CNTN1: variants seen among roughly 807,000 people sequenced by gnomAD.
CNTN1 encodes contactin-1.
A neutral mutation model predicts 126.4 loss-of-function variants in CNTN1; 38 were observed. The ratio of observed to expected loss-of-function variants is 0.30; its 90% CI spans 0.23 to 0.39. The LOEUF (loss-of-function observed/expected upper bound fraction) is 0.39. Among genes scored for constraint, CNTN1 ranks in the 10% least tolerant of loss-of-function variants. The pLI is 1.00. For missense variants in CNTN1, 1,009 were observed against 1,248.4 expected, an observed-to-expected ratio of 0.81 and a Z score of 2.89; for synonymous variants, 413 against 422.6, an observed-to-expected ratio of 0.98 and a Z score of 0.28.
intron 1 of CNTN1, among the ~76,000 whole-genome samples, chr12:40,719,997 C>A (rs1046658254): frequency 6.7e-6 from 1 of 149,504 alleles, no homozygotes; most frequent in African/African-American, 2.5e-5. Flanking sequence ...GCACCACGCC[C>A]GGTTAATTTT....
chr12:40,746,087 T>C (rs1433869926), intron 1 of CNTN1, among the ~76,000 whole-genome samples: 1 of 152,194 alleles, frequency 6.6e-6, no homozygotes, highest in Non-Finnish European at 1.5e-5. Context: ...CCAACAATTA[T>C]TGATGCAACA....
chr12:40,825,337 T>C (rs559104845), intron 1 of CNTN1, among the ~76,000 whole-genome samples: 1 of 152,212 alleles, frequency 6.6e-6, no homozygotes, highest in African/African-American at 2.4e-5. Flanking sequence ...TGGAGACAAA[T>C]TATGCATTTT....
At chr12:40,853,729 T>G (rs534061629) in intron 1 of CNTN1, among the ~76,000 whole-genome samples, 4 of 151,940 alleles carry the variant, frequency 2.6e-5, no homozygotes, top group Non-Finnish European at 5.9e-5. Context: ...GTAATTACAA[T>G]GAAGGCTATA....
intron 1 of CNTN1, among the ~76,000 whole-genome samples, chr12:40,903,563 G>A (rs74941104): frequency 1.1e-3 from 174 of 152,206 alleles, no homozygotes; most frequent in Middle Eastern, 3.4e-3. Flanking sequence ...CTACTGTGCT[G>A]CTGAAGGATG....
intron 1 of CNTN1, among the ~76,000 whole-genome samples, chr12:40,727,085 CTAA>C (rs1259556208): frequency 2.0e-5 from 3 of 147,702 alleles, no homozygotes; most frequent in Admixed American, 2.0e-4. Context: ...TTAAAAATTT[CTAA>C]TAATAAAAAA....
intron 1 of CNTN1, among the ~76,000 whole-genome samples, chr12:40,801,018 T>G (rs1928548): frequency 0.32 from 47,481 of 149,900 alleles, 8,727 homozygotes; most frequent in South Asian, 0.43. Flanking sequence ...GAGTTTTGTT[T>G]TTTTTTTTTT....
chr12:40,848,578 A>C (rs1399281594), intron 1 of CNTN1, among the ~76,000 whole-genome samples: 1 of 152,228 alleles, frequency 6.6e-6, no homozygotes, highest in African/African-American at 2.4e-5. Flanking sequence ...ATAAACAGTA[A>C]TATGACCACA....
intron 12 of CNTN1, among the ~76,000 whole-genome samples, chr12:40,940,130 A>G (rs751439698): frequency 1.1e-4 from 17 of 152,038 alleles, no homozygotes; most frequent in Non-Finnish European, 2.5e-4. Flanking sequence ...TGACGAGGAG[A>G]AAGCCAGGAT....
Position 40,861,055 on chromosome 12 carries a change from G to A in CNTN1, c.-76-47302G>A, listed in dbSNP as rs531299122. 2.0e-5 allele frequency among the ~76,000 whole-genome samples: 3 copies of A among 152,182 alleles called. No homozygotes were observed. The East Asian group carries it at 5.8e-4, about 29-fold the overall frequency. ...TATCTATGTTACCACTCAGGGTAAT[G>A]TAACTACCAATTCAGAAATTATCAC... On this transcript the variant is annotated intron_variant, in intron 1 of 23. Coordinates refer to ENST00000551295, the MANE Select transcript of CNTN1 (RefSeq NM_001843.4).
chr12:40,904,578 G>A (rs982099448), intron 1 of CNTN1, among the ~76,000 whole-genome samples: 1 of 151,968 alleles, frequency 6.6e-6, no homozygotes, highest in African/African-American at 2.4e-5. Context: ...ACAGGTGCAT[G>A]CCACCATGCT....
At position 40,864,646 on chromosome 12, in the gene CNTN1, G is replaced by A. The variant is rs1943237846; in HGVS notation, c.-76-43711G>A. On this transcript the variant is annotated intron_variant, in intron 1 of 23. Coordinates refer to ENST00000551295, the MANE Select transcript of CNTN1 (RefSeq NM_001843.4). ...TAGCATAATGTTTTCAAGGTTCATT[G>A]ATATTGTATCATGTAAAACTACTTC... Among the ~76,000 whole-genome samples the A allele has an allele frequency of 2.0e-5, 3 of 152,060 alleles. No individual in the cohort carries two copies. The South Asian group carries it at 6.2e-4, about 31-fold the overall frequency.
At chr12:41,050,952 T>C (rs1171440661) in intron 23 of CNTN1, among the ~76,000 whole-genome samples, 1 of 152,110 alleles carries the variant, frequency 6.6e-6, no homozygotes, top group Non-Finnish European at 1.5e-5. Flanking sequence ...TCCAAAACTA[T>C]TATGAGATTT....
chr12:40,791,812 A>G (rs1013483438), intron 1 of CNTN1, among the ~76,000 whole-genome samples: 1 of 152,118 alleles, frequency 6.6e-6, no homozygotes, highest in African/African-American at 2.4e-5. Flanking sequence ...GAGCACTGGA[A>G]ATGATGGCTG....
At chr12:40,801,015 GT>G (rs1213318457) in intron 1 of CNTN1, among the ~76,000 whole-genome samples, 10 of 143,746 alleles carry the variant, frequency 7.0e-5, no homozygotes, top group African/African-American at 1.5e-4. Context: ...CTAGAGTTTT[GT>G]TTTTTTTTTT....
chr12:40,730,524 G>A (rs567660066), intron 1 of CNTN1, among the ~76,000 whole-genome samples: 1 of 152,288 alleles, frequency 6.6e-6, no homozygotes, highest in African/African-American at 2.4e-5. Flanking sequence ...CCTTTACATA[G>A]TTGAGAACCT....
At chr12:40,794,274 G>A (rs1328967488) in intron 1 of CNTN1, among the ~76,000 whole-genome samples, 2 of 151,946 alleles carry the variant, frequency 1.3e-5, no homozygotes, top group Non-Finnish European at 2.9e-5. Flanking sequence ...AAAATACAAA[G>A]GCCAGTTTGT....
chr12:40,730,487 T>C (rs1942467285), intron 1 of CNTN1, among the ~76,000 whole-genome samples: 2 of 152,176 alleles, frequency 1.3e-5, no homozygotes, highest in African/African-American at 2.4e-5. Context: ...GATGTAACTG[T>C]CCATGGTATC....
chr12:40,988,997 C>T (rs1453782826), intron 16 of CNTN1, among the ~76,000 whole-genome samples: 1 of 152,150 alleles, frequency 6.6e-6, no homozygotes, highest in African/African-American at 2.4e-5. Flanking sequence ...ATGCAAAGTA[C>T]TTTACTCTCT....
intron 15 of CNTN1, among the ~76,000 whole-genome samples, chr12:40,971,143 C>A (rs530038023): frequency 1.3e-5 from 2 of 152,074 alleles, no homozygotes; most frequent in African/African-American, 2.4e-5. Flanking sequence ...AAAGGATCCA[C>A]GAGATTTGTT....
Sources: gnomAD v4.1 joint callset for allele counts (sites outside exome capture counted in the v4.1 genomes callset) on GRCh38, gnomAD v4.1.1 for gene constraint, MANE v1.5 for transcripts, NCBI Gene and HGNC (gene_info 2026-07-23, HGNC 2026-07-21) for gene names.